TMEM255B: variants seen among roughly 807,000 people sequenced by gnomAD.
TMEM255B encodes the protein transmembrane protein 255B.
Under a neutral mutation model 34.5 loss-of-function variants are expected in TMEM255B, and 35 were observed. That is an observed-to-expected ratio of 1.01 (90% CI 0.77 to 1.34). TMEM255B has a LOEUF of 1.34. TMEM255B is among the 40% of genes most tolerant of loss of function. The pLI is 0.00. For missense variants in TMEM255B, 432 were observed against 433.2 expected (o/e 1.00, Z 0.02); for synonymous variants, 206 against 201.2 (o/e 1.02, Z -0.20).
chr13:113,771,553 C>G (rs753720825), intron 3 of TMEM255B, among the ~76,000 whole-genome samples: 5 of 152,136 alleles, frequency 3.3e-5, no homozygotes, highest in Non-Finnish European at 7.3e-5. Context: ...GTGGCACATG[C>G]CTATAATCCC....
In TMEM255B at chr13:113,769,691, C is replaced by T. The variant is rs375598046; in HGVS notation, c.252+531C>T. ...CCAGACACTGCCTGTCCATGATGTT[C>T]GTGGCTGTATGCGCGGCAACAGCGA... On this transcript the variant is annotated intron_variant, in intron 3 of 8. Transcript: ENST00000375353. This position sits in a 1 kb window ranked among gnomAD's most constrained non-coding sequence, Gnocchi z 4.2. The T allele has an allele frequency of 5.6e-4, 84 of 150,052 alleles. No homozygotes were observed. In the East Asian group the frequency reaches 0.011, roughly 20 times the overall value. The allele number at this position is 150,052 out of a possible 1,614,324, so 9.3% of individuals were successfully genotyped here. A position where few individuals can be genotyped will look rare whatever the true frequency, so the allele number is the denominator to read the frequency against.
chr13:113,781,964 C>G (rs2138543484), intron 3 of TMEM255B, among the ~76,000 whole-genome samples: 1 of 152,212 alleles, frequency 6.6e-6, no homozygotes, highest in South Asian at 2.1e-4. Context: ...GGGGGCATGG[C>G]TAATTTCTTA....
intron 5 of TMEM255B, chr13:113,799,980 CAGA>C (rs1566740121): frequency 1.6e-6 from 2 of 1,265,898 alleles, no homozygotes; most frequent in Non-Finnish European, 2.1e-6. Context: ...GCACGCGTGT[CAGA>C]GGAGGAGGAG....
chr13:113,774,605 ACAC>A (rs1197394710), intron 3 of TMEM255B, among the ~76,000 whole-genome samples: 211 of 150,472 alleles, frequency 1.4e-3, no homozygotes, highest in African/African-American at 4.8e-3. Flanking sequence ...CAAATGACAC[ACAC>A]CACACAATAC....
intron 3 of TMEM255B, among the ~76,000 whole-genome samples, chr13:113,773,438 C>A (rs144053239): frequency 2.0e-5 from 3 of 152,308 alleles, no homozygotes; most frequent in South Asian, 2.1e-4. Flanking sequence ...TCTATGGCTT[C>A]GGTAAAAACA....
intron 3 of TMEM255B, among the ~76,000 whole-genome samples, chr13:113,785,527 C>T (rs1236727288): frequency 6.6e-6 from 1 of 152,194 alleles, no homozygotes; most frequent in Non-Finnish European, 1.5e-5. Context: ...GGTCTTAGAC[C>T]ACTGACAGAG....
At position 113,800,473 on chromosome 13, in the gene TMEM255B, G is replaced by T. The variant is rs986948143; in HGVS notation, c.424-354G>T. Among the ~76,000 whole-genome samples, 5 of 152,158 alleles carry T rather than the reference G, an allele frequency of 3.3e-5. No individual in the cohort carries two copies. In the East Asian group the frequency reaches 9.7e-4, roughly 29 times the overall value. ...CGGGGCCTGTTCTGCCGCCCTCCGGGCTCTCAGGCTTCTGTGCACCCCACG... is the reference window on the plus strand; with the variant it reads ...CGGGGCCTGTTCTGCCGCCCTCCGGTCTCTCAGGCTTCTGTGCACCCCACG... On this transcript the variant is annotated intron_variant, in intron 5 of 8. Coordinates refer to ENST00000375353, the MANE Select transcript of TMEM255B (RefSeq NM_182614.4).
intron 3 of TMEM255B, among the ~76,000 whole-genome samples, chr13:113,786,114 T>C (rs2050736102): frequency 1.3e-5 from 2 of 152,184 alleles, no homozygotes; most frequent in African/African-American, 4.8e-5. Flanking sequence ...GGCTCTGGAC[T>C]TCGGGATTCT....
intron 1 of TMEM255B, 40 bp from the exon 2 acceptor site, chr13:113,766,075 C>T: frequency 6.2e-7 from 1 of 1,611,176 alleles, no homozygotes; most frequent in Non-Finnish European, 8.5e-7. Flanking sequence ...CCTCCTGAGC[C>T]TGAGCCCTCA....
chr13:113,810,488 G>C (rs1018699409), intron 8 of TMEM255B, among the ~76,000 whole-genome samples: 2 of 152,172 alleles, frequency 1.3e-5, no homozygotes, highest in Admixed American at 6.5e-5. Context: ...GCTCTCTAGG[G>C]AAGCAGAGCC....
chr13:113,809,896 C>T (rs750833515), intron 8 of TMEM255B, among the ~76,000 whole-genome samples: 4 of 152,206 alleles, frequency 2.6e-5, no homozygotes, highest in African/African-American at 4.8e-5. Context: ...CTCACTCTGT[C>T]GCCTGTGGCC....
intron 8 of TMEM255B, among the ~76,000 whole-genome samples, chr13:113,808,238 G>A (rs1190152610): frequency 6.6e-6 from 1 of 152,156 alleles, no homozygotes. Flanking sequence ...GGTGGGGGAG[G>A]TTTTGAGCAG....
At position 113,801,753 on chromosome 13, in the gene TMEM255B, G is replaced by A. The variant is rs371183456; in HGVS notation, c.610G>A (p.Val204Ile). ...RLLWASAVLN[V>I]LGLFLGIITA... ...GCTCTGGGCCTCTGCAGTTCTGAAC[G>A]TCCTGGGCCTGTTCCTGGGCATCAT... Residue 204 changes from valine (V) to isoleucine (I), a missense_variant, in exon 7 of 9, where the codon GTC becomes ATC. Val to Ile is a conservative substitution (Grantham distance 29). Transcript: ENST00000375353. 1.3e-5 allele frequency: 21 copies of A among 1,612,966 alleles called. No homozygotes were observed. The highest frequency in any genetic ancestry group is 2.7e-5 in the African/African-American group (2 of 75,036).
intron 8 of TMEM255B, among the ~76,000 whole-genome samples, chr13:113,807,686 C>T (rs1484083204): frequency 1.5e-5 from 2 of 131,650 alleles, no homozygotes; most frequent in Admixed American, 7.8e-5. Flanking sequence ...CCCCGTCACA[C>T]GCAGGCTTAC....
In TMEM255B at chr13:113,803,532, C is replaced by T. The variant is rs902294886; in HGVS notation, c.670-1353C>T. On this transcript the variant is annotated intron_variant, in intron 7 of 8. Transcript: ENST00000375353. ...CAGGGGCCTCCTCCGCGTGTGACTC[C>T]GTGGCCCCCGTGTTCTCTGCTTTCT... Among the ~76,000 whole-genome samples, 78 of 148,138 alleles carry T rather than the reference C, an allele frequency of 5.3e-4. 6 individuals are homozygous for T. The highest frequency in any genetic ancestry group is 1.4e-3 in the African/African-American group (57 of 40,660).
rs898989675 is a variant in TMEM255B, at chr13:113,770,929, T to C, written c.252+1769T>C. Among the ~76,000 whole-genome samples the C allele has an allele frequency of 6.6e-6, 1 of 152,214 alleles. No individual in the cohort carries two copies. Among genetic ancestry groups the C allele is most frequent in the East Asian group, 1.9e-4 (1 of 5,200 alleles). ...AAGAGGCAGAAGCTGGGTGTGAAGC[T>C]GGGCTTTGGCGATGCACAGGATGGG... On this transcript the variant is annotated intron_variant, in intron 3 of 8. Transcript: ENST00000375353. The surrounding 1 kb of genome is among the most constrained non-coding windows in gnomAD (Gnocchi z 4.6).
intron 1 of TMEM255B, among the ~76,000 whole-genome samples, chr13:113,759,546 CTCTG>C (rs1476264845): frequency 1.0e-5 from 1 of 98,182 alleles, no homozygotes; most frequent in African/African-American, 5.5e-5. Flanking sequence ...CTGTCTCTCT[CTCTG>C]TCTCTGTCTC....
chr13:113,800,780 A>G (rs1175737766), intron 5 of TMEM255B, 47 bp from the exon 6 acceptor site: 1 of 1,544,294 alleles, frequency 6.5e-7, no homozygotes, highest in South Asian at 1.2e-5. Flanking sequence ...GGGGTGGGTG[A>G]GGTGGTGGGC....
At chr13:113,792,601 C>T (rs1040737743) in intron 3 of TMEM255B, among the ~76,000 whole-genome samples, 2 of 152,254 alleles carry the variant, frequency 1.3e-5, no homozygotes, top group Non-Finnish European at 2.9e-5. Context: ...GGCCGTCAGA[C>T]GGGGTCAGCT....
Sources: gnomAD v4.1 joint callset for allele counts (sites outside exome capture counted in the v4.1 genomes callset) on GRCh38, gnomAD v4.1.1 for gene constraint, Gnocchi (gnomAD v3.1) non-coding constraint, MANE v1.5 for transcripts, NCBI Gene and HGNC (gene_info 2026-07-23, HGNC 2026-07-21) for gene names.